The following KAZN variants were observed in gnomAD, a reference collection of about 807,000 sequenced individuals.
The protein encoded by KAZN is kazrin.
Under a neutral mutation model 87.4 loss-of-function variants are expected in KAZN, and 40 were observed. That is an observed-to-expected ratio of 0.46 (90% CI 0.36 to 0.60). The LOEUF (loss-of-function observed/expected upper bound fraction) is 0.60. KAZN is among the 20% of genes least tolerant of loss of function. The probability of loss-of-function intolerance (pLI) is 0.00; values close to 1 mark genes in which losing one functional copy is unlikely to be tolerated. For missense variants in KAZN, 898 were observed against 1,073.9 expected (o/e 0.84, Z 2.29); for synonymous variants, 466 against 458.3 (o/e 1.02, Z -0.22).
rs1027911721 is a variant in KAZN, at chr1:14,450,127, C to T, written c.250-148856C>T. Among the ~76,000 whole-genome samples the T allele has an allele frequency of 3.3e-5, 5 of 152,134 alleles. No individual in the cohort carries two copies. The South Asian group carries it at 8.3e-4, about 25-fold the overall frequency. Reference sequence around the variant, plus strand: ...GATGCTGGGGAGAGTGCTGCCCCCCCGCCTGCAGTCTCTCTCTGCCTGTCA... The same window carrying T: ...GATGCTGGGGAGAGTGCTGCCCCCCTGCCTGCAGTCTCTCTCTGCCTGTCA... On this transcript the variant is annotated intron_variant, in intron 2 of 16. Transcript: ENST00000636203.
At chr1:14,197,246 G>A (rs192437152) in intron 2 of KAZN, among the ~76,000 whole-genome samples, 1 of 152,060 alleles carries the variant, frequency 6.6e-6, no homozygotes, top group Non-Finnish European at 1.5e-5. Flanking sequence ...CATATCATGT[G>A]TTGTTGAGAA....
chr1:15,050,544 AG>A (rs1210863805), intron 4 of KAZN, among the ~76,000 whole-genome samples: 3 of 152,178 alleles, frequency 2.0e-5, no homozygotes, highest in African/African-American at 7.2e-5. Context: ...GCCAAGCCTC[AG>A]GTTTATTTTT....
intron 2 of KAZN, among the ~76,000 whole-genome samples, chr1:14,353,225 CTT>C (rs34074015): frequency 5.6e-4 from 77 of 137,600 alleles, no homozygotes; most frequent in African/African-American, 1.5e-3. Flanking sequence ...GATGACATCA[CTT>C]TTTTTTTTTT....
chr1:14,907,725 G>C lies in KAZN; in HGVS notation c.227-52959G>C, dbSNP rs77663871. 3.9e-3 allele frequency among the ~76,000 whole-genome samples: 594 copies of C among 152,292 alleles called. 14 individuals carry two copies. The South Asian group carries it at 0.047, about 12-fold the overall frequency. Reference sequence around the variant, plus strand: ...ATGGAAAGGAGAATATTCCTGGCAGGGGGGTGGACAGAGTAAGGAAAGTCA... The same window carrying C: ...ATGGAAAGGAGAATATTCCTGGCAGCGGGGTGGACAGAGTAAGGAAAGTCA... On this transcript the variant is annotated intron_variant, in intron 1 of 14. Transcript: ENST00000376030.
chr1:15,005,758 A>G (rs1668941375), intron 2 of KAZN, among the ~76,000 whole-genome samples: 1 of 151,772 alleles, frequency 6.6e-6, no homozygotes, highest in South Asian at 2.1e-4. Context: ...ACTGCACTCC[A>G]GCCTGCATGG....
chr1:14,924,667 G>C (rs1301473208), intron 1 of KAZN: 10 of 712,214 alleles, frequency 1.4e-5, no homozygotes, highest in African/African-American at 7.7e-5. Context: ...AGCCGGGATC[G>C]GGAAGCCGCT....
intron 1 of KAZN, among the ~76,000 whole-genome samples, chr1:14,805,619 A>T (rs556522179): frequency 1.3e-5 from 2 of 152,158 alleles, no homozygotes; most frequent in South Asian, 2.1e-4. Flanking sequence ...TTAGCCCAGC[A>T]TGGTGGCTCA....
intron 2 of KAZN, among the ~76,000 whole-genome samples, chr1:14,439,030 ATCT>A (rs1666554915): frequency 6.6e-6 from 1 of 152,334 alleles, no homozygotes; most frequent in Non-Finnish European, 1.5e-5. Flanking sequence ...GTCCAGACTC[ATCT>A]TCTAAACTCC....
chr1:14,541,564 C>G (rs1672814001), intron 2 of KAZN, among the ~76,000 whole-genome samples: 2 of 152,128 alleles, frequency 1.3e-5, no homozygotes, highest in African/African-American at 2.4e-5. Flanking sequence ...TTGCTCAACC[C>G]TTCGTGCTTC....
chr1:15,042,186 G>A (rs1672991811), intron 3 of KAZN, among the ~76,000 whole-genome samples: 1 of 152,180 alleles, frequency 6.6e-6, no homozygotes, highest in Admixed American at 6.5e-5. Flanking sequence ...GGGACCTAGT[G>A]GGGCTTCCTC....
intron 2 of KAZN, among the ~76,000 whole-genome samples, chr1:14,313,534 T>C (rs1655450183): frequency 1.3e-5 from 2 of 152,320 alleles, no homozygotes; most frequent in South Asian, 4.1e-4. Flanking sequence ...TTAAACTACC[T>C]TAAAGTGATC....
At chr1:14,465,559 C>T (rs997546909) in intron 2 of KAZN, among the ~76,000 whole-genome samples, 4 of 152,088 alleles carry the variant, frequency 2.6e-5, no homozygotes, top group African/African-American at 9.7e-5. Context: ...GCTCCCAGAG[C>T]GAGCATTCCA....
chr1:14,150,923 G>A (rs1405928816), intron 1 of KAZN, among the ~76,000 whole-genome samples: 1 of 152,042 alleles, frequency 6.6e-6, no homozygotes, highest in Non-Finnish European at 1.5e-5. Flanking sequence ...AAAAGTCATA[G>A]GTAATAACAT....
At chr1:14,568,718 C>A (rs572173068) in intron 2 of KAZN, among the ~76,000 whole-genome samples, 1 of 152,326 alleles carries the variant, frequency 6.6e-6, no homozygotes, top group Non-Finnish European at 1.5e-5. Context: ...CCTCTTGATA[C>A]CCTGAGCAGA....
intron 1 of KAZN, among the ~76,000 whole-genome samples, chr1:14,777,595 C>A (rs1645218046): frequency 6.6e-6 from 1 of 152,148 alleles, no homozygotes. Flanking sequence ...TTTCTGTCCC[C>A]TGAACTAGCC....
intron 1 of KAZN, among the ~76,000 whole-genome samples, chr1:14,711,580 GTGAT>G (rs1222951795): frequency 6.6e-6 from 1 of 152,208 alleles, no homozygotes; most frequent in Non-Finnish European, 1.5e-5. Context: ...ATGAAGGACA[GTGAT>G]TGCTGTCTTG....
chr1:15,049,083 A>G (rs1168942448), intron 4 of KAZN, among the ~76,000 whole-genome samples: 1 of 142,930 alleles, frequency 7.0e-6, no homozygotes, highest in Non-Finnish European at 1.5e-5. Flanking sequence ...CCTGTACTCC[A>G]TGGGGTGACG....
At chr1:14,357,119 C>G (rs539487429) in intron 2 of KAZN, among the ~76,000 whole-genome samples, 1 of 152,188 alleles carries the variant, frequency 6.6e-6, no homozygotes, top group South Asian at 2.1e-4. Context: ...GTTTGTAGTT[C>G]TCCTTGAAGA....
intron 2 of KAZN, among the ~76,000 whole-genome samples, chr1:14,468,592 A>G (rs1363649799): frequency 1.3e-5 from 2 of 152,174 alleles, no homozygotes; most frequent in African/African-American, 2.4e-5. Context: ...GTCTTCCTAC[A>G]TGTCCACATT....
Sources: allele counts gnomAD v4.1 joint callset (sites outside exome capture counted in the v4.1 genomes callset), GRCh38; gene constraint gnomAD v4.1.1; transcripts MANE v1.5; gene names NCBI Gene and HGNC (gene_info 2026-07-23, HGNC 2026-07-21).